The following ETV6 variants were observed in gnomAD, a reference collection of about 807,000 sequenced individuals.
ETV6 encodes the protein ETS variant transcription factor 6, also known as transcription factor ETV6.
A neutral mutation model predicts 51.1 loss-of-function variants in ETV6; 16 were observed. That is an observed-to-expected ratio of 0.31 (90% confidence interval 0.21 to 0.48). The LOEUF is 0.48. ETV6 is among the 20% of genes least tolerant of loss of function. The probability of loss-of-function intolerance (pLI) is 0.99; values close to 1 mark genes in which losing one functional copy is unlikely to be tolerated. For synonymous variants in ETV6, 240 were observed against 224.1 expected, an observed-to-expected ratio of 1.07 and a Z score of -0.64; for missense variants, 458 against 594.8, an observed-to-expected ratio of 0.77 and a Z score of 2.39.
chr12:11,704,896 A>G (rs1436794078), intron 1 of ETV6, among the ~76,000 whole-genome samples: 2 of 152,204 alleles, frequency 1.3e-5, no homozygotes, highest in Non-Finnish European at 2.9e-5. Flanking sequence ...TTGCCACAAC[A>G]TGGATAGACC....
chr12:11,793,616 C>A (rs575815898), intron 2 of ETV6, among the ~76,000 whole-genome samples: 1 of 152,324 alleles, frequency 6.6e-6, no homozygotes, highest in South Asian at 2.1e-4. Context: ...AGCTAGGATT[C>A]AACCCAGGTC....
At chr12:11,714,802 A>G (rs1397865924) in intron 1 of ETV6, among the ~76,000 whole-genome samples, 1 of 152,154 alleles carries the variant, frequency 6.6e-6, no homozygotes, top group Non-Finnish European at 1.5e-5. Context: ...TGAGTTGCGT[A>G]TGTGAGTGGC....
intron 1 of ETV6, among the ~76,000 whole-genome samples, chr12:11,740,152 C>CT (rs571777623): frequency 4.7e-4 from 72 of 152,320 alleles, no homozygotes; most frequent in Admixed American, 1.8e-3. Context: ...CTGCTGGGTC[C>CT]TTGTACCTTT....
chr12:11,848,475 GTA>G (rs1420133091), intron 3 of ETV6, among the ~76,000 whole-genome samples: 1 of 152,222 alleles, frequency 6.6e-6, no homozygotes, highest in Non-Finnish European at 1.5e-5. Context: ...AGTCACAGCA[GTA>G]TTGTTCACTC....
intron 1 of ETV6, among the ~76,000 whole-genome samples, chr12:11,739,842 G>A (rs1167315458): frequency 1.3e-5 from 2 of 152,174 alleles, no homozygotes; most frequent in African/African-American, 4.8e-5. Context: ...GTGGGACAGT[G>A]CGAGTCTAGA....
Position 11,892,210 on chromosome 12 carries a change from ATTTTT to A in ETV6, c.*1183_*1187del, listed in dbSNP as rs35812814. 31 of 153,514 alleles carry A rather than the reference ATTTTT, an allele frequency of 2.0e-4. No homozygotes were observed. Among genetic ancestry groups the A allele is most frequent in the Middle Eastern group, 1.8e-3 (1 of 554 alleles). 9.5% of individuals were successfully genotyped at this position (153,514 alleles called of 1,614,324 possible). A position where few individuals can be genotyped will look rare whatever the true frequency, so the allele number is the denominator to read the frequency against. On this transcript the variant is annotated 3_prime_UTR_variant, in exon 8 of 8. Coordinates refer to ENST00000396373, the MANE Select transcript of ETV6 (RefSeq NM_001987.5). ...GTGGTCAGTTTCATGCCCTCACCTG[ATTTTT>A]TTTTTTTTTTTTTTTTTTCAATTCC...
chr12:11,883,575 G>A (rs964156621), intron 5 of ETV6, among the ~76,000 whole-genome samples: 9 of 151,934 alleles, frequency 5.9e-5, no homozygotes, highest in Non-Finnish European at 1.0e-4. Flanking sequence ...GATTACAGGC[G>A]TGAGCCACCA....
intron 3 of ETV6, among the ~76,000 whole-genome samples, chr12:11,847,761 G>C (rs1290762184): frequency 1.3e-5 from 2 of 152,168 alleles, no homozygotes; most frequent in African/African-American, 4.8e-5. Context: ...GTGTTGGACA[G>C]CTCCCCTGGG....
intron 1 of ETV6, among the ~76,000 whole-genome samples, chr12:11,692,462 C>T (rs761376456): frequency 1.3e-5 from 2 of 152,116 alleles, no homozygotes; most frequent in Non-Finnish European, 2.9e-5. Flanking sequence ...TTGTTCCTCC[C>T]ACTAACTTCC....
At chr12:11,727,105 G>A (rs1865504421) in intron 1 of ETV6, among the ~76,000 whole-genome samples, 1 of 152,192 alleles carries the variant, frequency 6.6e-6, no homozygotes, top group Admixed American at 6.5e-5. Flanking sequence ...TGTATTGTGG[G>A]GGTAGGTGAA....
chr12:11,865,341 A>G (rs1946777474), intron 4 of ETV6, among the ~76,000 whole-genome samples: 1 of 151,928 alleles, frequency 6.6e-6, no homozygotes. Flanking sequence ...GAAAACTAGT[A>G]GTTCCTCGGT....
chr12:11,711,178 G>A (rs980363688), intron 1 of ETV6, among the ~76,000 whole-genome samples: 3 of 152,208 alleles, frequency 2.0e-5, no homozygotes, highest in Admixed American at 6.5e-5. Flanking sequence ...AGAGAATTGA[G>A]TCTGGCATTA....
intron 2 of ETV6, among the ~76,000 whole-genome samples, chr12:11,764,842 C>T (rs1945141489): frequency 6.6e-6 from 1 of 152,156 alleles, no homozygotes; most frequent in South Asian, 2.1e-4. Context: ...TATCATTTAA[C>T]CCTCTAGGCA....
At chr12:11,752,353 T>TC in intron 1 of ETV6, 97 bp from the exon 2 acceptor site, 3 of 1,344,030 alleles carry the variant, frequency 2.2e-6, no homozygotes, top group Non-Finnish European at 3.1e-6. Context: ...ATGCCCCGCC[T>TC]CCCTTTTGCT....
At chr12:11,779,650 C>T (rs1945383021) in intron 2 of ETV6, among the ~76,000 whole-genome samples, 2 of 152,096 alleles carry the variant, frequency 1.3e-5, no homozygotes, top group Non-Finnish European at 2.9e-5. Flanking sequence ...AGAAAAATTC[C>T]CCTAGAGTTG....
At chr12:11,736,155 T>C (rs1346393900) in intron 1 of ETV6, among the ~76,000 whole-genome samples, 1 of 152,230 alleles carries the variant, frequency 6.6e-6, no homozygotes, top group Non-Finnish European at 1.5e-5. Flanking sequence ...TTCCATATTC[T>C]CAGCCCTTAG....
At chr12:11,689,485 A>G (rs1864705624) in intron 1 of ETV6, among the ~76,000 whole-genome samples, 1 of 152,080 alleles carries the variant, frequency 6.6e-6, no homozygotes, top group Non-Finnish European at 1.5e-5. Context: ...ACTCTTCTCC[A>G]GTCTTCTCCA....
rs1056249759 is a variant in ETV6, at chr12:11,649,858, C to G, written c.-270C>G. On this transcript the variant is annotated 5_prime_UTR_variant, in exon 1 of 8. Coordinates refer to ENST00000396373, the MANE Select transcript of ETV6 (RefSeq NM_001987.5). Reference sequence around the variant, plus strand: ...GACCGGGAGGCCGGCCGGGCTGCGTCCCGGGTCCCCGCGCCGCGCCGCGAC... The same window carrying G: ...GACCGGGAGGCCGGCCGGGCTGCGTGCCGGGTCCCCGCGCCGCGCCGCGAC... The G allele has an allele frequency of 6.6e-6, 1 of 150,466 alleles. No individual in the cohort carries two copies. Among genetic ancestry groups the G allele is most frequent in the Non-Finnish European group, 1.5e-5 (1 of 67,748 alleles). 9.3% of individuals were successfully genotyped at this position (150,466 alleles called of 1,614,324 possible). A position where few individuals can be genotyped will look rare whatever the true frequency, so the allele number is the denominator to read the frequency against.
intron 1 of ETV6, among the ~76,000 whole-genome samples, chr12:11,662,710 G>A (rs1394328677): frequency 6.6e-6 from 1 of 152,190 alleles, no homozygotes; most frequent in Non-Finnish European, 1.5e-5. Context: ...ATGACTTGCA[G>A]GGCTGAGTTT....
Sources: gnomAD v4.1 joint callset for allele counts (sites outside exome capture counted in the v4.1 genomes callset) on GRCh38, gnomAD v4.1.1 for gene constraint, MANE v1.5 for transcripts, NCBI Gene and HGNC (gene_info 2026-07-23, HGNC 2026-07-21) for gene names.